Variants in INPP4B observed in about 807,000 individuals in gnomAD.
The protein encoded by INPP4B is inositol polyphosphate 4-phosphatase type II.
In INPP4B, 55 loss-of-function variants were observed where a neutral mutation model predicts 122.5. That is an observed-to-expected ratio of 0.45 (90% CI 0.36 to 0.56). The LOEUF is 0.56. INPP4B is among the 20% of genes least tolerant of loss of function. The probability of loss-of-function intolerance (pLI) is 0.00; values close to 1 mark genes in which losing one functional copy is unlikely to be tolerated. For missense variants in INPP4B, 1,000 were observed against 1,097.7 expected (o/e 0.91, Z 1.26); for synonymous variants, 403 against 388.7 (o/e 1.04, Z -0.43).
intron 1 of INPP4B, among the ~76,000 whole-genome samples, chr4:142,830,501 G>A (rs1475266315): frequency 2.6e-5 from 4 of 152,134 alleles, no homozygotes; most frequent in Non-Finnish European, 5.9e-5. Flanking sequence ...CTAGCTAGAG[G>A]GGAATATGGA....
intron 1 of INPP4B, among the ~76,000 whole-genome samples, chr4:142,736,583 A>G (rs962025515): frequency 1.3e-5 from 2 of 152,070 alleles, no homozygotes; most frequent in African/African-American, 4.8e-5. Flanking sequence ...GTTCACTCAT[A>G]ATTTGGCTCT....
chr4:142,058,518 A>T (rs1375430837), intron 25 of INPP4B, among the ~76,000 whole-genome samples: 1 of 152,108 alleles, frequency 6.6e-6, no homozygotes, highest in African/African-American at 2.4e-5. Flanking sequence ...AGCACACAGT[A>T]GTACAAGAGA....
chr4:142,590,214 T>C (rs1364204333), intron 2 of INPP4B, among the ~76,000 whole-genome samples: 1 of 152,150 alleles, frequency 6.6e-6, no homozygotes, highest in South Asian at 2.1e-4. Flanking sequence ...TATGCCTTTT[T>C]CAAAACCCAT....
At chr4:142,348,499 A>T (rs576076905) in intron 7 of INPP4B, among the ~76,000 whole-genome samples, 67 of 152,134 alleles carry the variant, frequency 4.4e-4, no homozygotes, top group African/African-American at 9.4e-4. Context: ...TTCTCCCCAG[A>T]TATAGATGGT....
At chr4:142,040,590 T>C (rs531737104) in intron 25 of INPP4B, among the ~76,000 whole-genome samples, 5 of 151,816 alleles carry the variant, frequency 3.3e-5, no homozygotes, top group Admixed American at 3.3e-4. Context: ...TGACATATCT[T>C]AGTTAGTAGA....
intron 7 of INPP4B, among the ~76,000 whole-genome samples, chr4:142,367,864 C>T (rs570481063): frequency 3.0e-4 from 45 of 152,222 alleles, no homozygotes; most frequent in Middle Eastern, 3.4e-3. Context: ...TTCTGGTTTT[C>T]CTTATGAATT....
intron 2 of INPP4B, among the ~76,000 whole-genome samples, chr4:142,596,375 C>T (rs1738684694): frequency 6.6e-6 from 1 of 152,126 alleles, no homozygotes; most frequent in Non-Finnish European, 1.5e-5. Context: ...TCTTAAAATG[C>T]TGCCCTGAGA....
chr4:142,416,687 G>A (rs1419440580), intron 5 of INPP4B, among the ~76,000 whole-genome samples: 1 of 152,026 alleles, frequency 6.6e-6, no homozygotes, highest in Non-Finnish European at 1.5e-5. Flanking sequence ...CATCCTTTGG[G>A]CAAGAACCAG....
intron 2 of INPP4B, among the ~76,000 whole-genome samples, chr4:142,627,934 G>T (rs1414149657): frequency 6.6e-6 from 1 of 151,874 alleles, no homozygotes; most frequent in Non-Finnish European, 1.5e-5. Context: ...TTCAGATCCT[G>T]TTATTGGTCT....
At chr4:142,834,386 C>T (rs779171308) in intron 1 of INPP4B, among the ~76,000 whole-genome samples, 2 of 152,120 alleles carry the variant, frequency 1.3e-5, no homozygotes, top group Non-Finnish European at 2.9e-5. Flanking sequence ...AAACTGCTAC[C>T]TGTTGCTCTC....
At chr4:142,779,668 G>A (rs966597328) in intron 1 of INPP4B, among the ~76,000 whole-genome samples, 1 of 152,066 alleles carries the variant, frequency 6.6e-6, no homozygotes, top group African/African-American at 2.4e-5. Flanking sequence ...TGAGACACAG[G>A]TTCTTGTTCC....
chr4:142,616,009 T>C (rs1352937534), intron 2 of INPP4B, among the ~76,000 whole-genome samples: 1 of 152,130 alleles, frequency 6.6e-6, no homozygotes, highest in Admixed American at 6.6e-5. Flanking sequence ...GCTTAAATAA[T>C]CTCTTTATAT....
At chr4:142,229,166 T>C (rs1299643781) in intron 12 of INPP4B, among the ~76,000 whole-genome samples, 2 of 151,578 alleles carry the variant, frequency 1.3e-5, no homozygotes, top group African/African-American at 4.8e-5. Context: ...TTAATATATA[T>C]TGATGTATAA....
intron 5 of INPP4B, 29 bp from the exon 6 acceptor site, chr4:142,405,353 A>G: frequency 7.5e-7 from 1 of 1,329,024 alleles, no homozygotes; most frequent in Non-Finnish European, 1.1e-6. Flanking sequence ...ACAGAAAGAA[A>G]AGAAACTAAC....
At chr4:142,371,981 T>C (rs1379161118) in intron 7 of INPP4B, among the ~76,000 whole-genome samples, 1 of 152,006 alleles carries the variant, frequency 6.6e-6, no homozygotes, top group Admixed American at 6.6e-5. Context: ...GATACCTGCA[T>C]CCACGTGTTT....
intron 12 of INPP4B, among the ~76,000 whole-genome samples, chr4:142,221,074 C>T (rs142833315): frequency 6.6e-6 from 1 of 152,212 alleles, no homozygotes; most frequent in East Asian, 1.9e-4. Flanking sequence ...ATGCTTTAAA[C>T]TGCTATGCTG....
intron 2 of INPP4B, among the ~76,000 whole-genome samples, chr4:142,661,969 C>G (rs1755246655): frequency 6.6e-6 from 1 of 151,828 alleles, no homozygotes; most frequent in Non-Finnish European, 1.5e-5. Context: ...CACGGTGGCT[C>G]ACGCCTGTAA....
At chr4:142,582,677 G>A (rs1029204010) in intron 2 of INPP4B, among the ~76,000 whole-genome samples, 1 of 152,138 alleles carries the variant, frequency 6.6e-6, no homozygotes, top group African/African-American at 2.4e-5. Context: ...TTTGGTGGGT[G>A]TGAAATCAAA....
chr4:142,188,518 A>ATAT lies in INPP4B; in HGVS notation c.1181+4568_1181+4569insATA, dbSNP rs1363710453. Among the ~76,000 whole-genome samples the ATAT allele has an allele frequency of 1.8e-3, 187 of 105,106 alleles. 2 individuals carry two copies. Among genetic ancestry groups the ATAT allele is most frequent in the East Asian group, 3.6e-3 (12 of 3,378 alleles). The allele number at this position is 105,106 out of a possible 152,430, so 69.0% of individuals were successfully genotyped here. ...AAAAAAAAAAAAAAAAAAGAAAAAA[A>ATAT]ATATATATAGCTTGACTTATGAGTT... On this transcript the variant is annotated intron_variant, in intron 15 of 25. Transcript: ENST00000262992.
Sources: gnomAD v4.1 joint callset for allele counts (sites outside exome capture counted in the v4.1 genomes callset) on GRCh38, gnomAD v4.1.1 for gene constraint, MANE v1.5 for transcripts, NCBI Gene and HGNC (gene_info 2026-07-23, HGNC 2026-07-21) for gene names.